ALG13: variants seen among roughly 807,000 people sequenced by gnomAD.
ALG13 encodes the protein UDP-N-acetylglucosamine transferase subunit ALG13.
ALG13 carries 11 observed loss-of-function variants against 87.8 expected under a neutral mutation model. The observed-to-expected ratio is 0.13, with a 90% CI of 0.08 to 0.21. The LOEUF (loss-of-function observed/expected upper bound fraction) is 0.21. Ranked by LOEUF, ALG13 falls within the 10% of genes least tolerant of loss-of-function variation. The pLI is 1.00. For synonymous variants in ALG13, 320 were observed against 306.3 expected (o/e 1.04, Z -0.47); for missense variants, 756 against 866.1 (o/e 0.87, Z 1.60).
chrX:111,683,550 G>T (rs769093087), intron 2 of ALG13, among the ~76,000 whole-genome samples: 1 of 108,046 alleles, frequency 9.3e-6, no homozygotes, highest in South Asian at 4.2e-4. Context: ...TGTTGCCCAG[G>T]CTGGTCTCAA....
rs778191847 is a variant in ALG13, at chrX:111,752,700, G to A, written c.2933-90G>A. ...CAAAGTGCTGGGATTACAGGCATGAGCCACCGTGCCCAGCCAGAAAAGCTT... is the reference window on the plus strand; with the variant it reads ...CAAAGTGCTGGGATTACAGGCATGAACCACCGTGCCCAGCCAGAAAAGCTT... On this transcript the variant is annotated intron_variant, in intron 24 of 26. Coordinates refer to ENST00000394780, the MANE Select transcript of ALG13 (RefSeq NM_001099922.3). 8.0e-6 allele frequency: 5 copies of A among 625,515 alleles called. No individual in the cohort carries two copies. The South Asian group carries it at 1.1e-4, about 13-fold the overall frequency. The allele number at this position is 625,515 out of a possible 1,213,427, so 51.5% of individuals were successfully genotyped here.
chrX:111,760,025 C>A lies in ALG13; in HGVS notation c.*26C>A. On this transcript the variant is annotated 3_prime_UTR_variant, in exon 27 of 27. Coordinates refer to ENST00000394780, the MANE Select transcript of ALG13 (RefSeq NM_001099922.3). ...GATCCAGCAGTATGAAGTATTCTTGCACTGCCATTTTCTTGCTGTTTTTGT... is the reference window on the plus strand; with the variant it reads ...GATCCAGCAGTATGAAGTATTCTTGAACTGCCATTTTCTTGCTGTTTTTGT... 2 of 1,188,050 alleles carry A rather than the reference C, an allele frequency of 1.7e-6. No homozygotes were observed. The highest frequency in any genetic ancestry group is 1.1e-6 in the Non-Finnish European group (1 of 882,975).
chrX:111,689,614 AAGG>A (rs1295980232), intron 3 of ALG13: 7 of 749,871 alleles, frequency 9.3e-6, no homozygotes, highest in Non-Finnish European at 3.1e-6. Flanking sequence ...TTTTAAGTCA[AAGG>A]AGACTTTAAA....
Position 111,713,221 on chromosome X carries a change from A to G in ALG13, c.933-4A>G, listed in dbSNP as rs1389043493. On this transcript the variant is annotated splice_region_variant and splice_polypyrimidine_tract_variant and intron_variant, in intron 7 of 26. Transcript: ENST00000394780. ...TCCCACTTACCTTTGTTTTCCCCAT[A>G]TAGTCGGGATTTCATTCTTTATCGC... The G allele has an allele frequency of 5.1e-6, 6 of 1,175,031 alleles. No individual in the cohort carries two copies. The highest frequency in any genetic ancestry group is 3.5e-5 in the African/African-American group (2 of 56,672).
intron 13 of ALG13, 81 bp downstream of exon 13, chrX:111,722,938 C>T (rs1343189067): frequency 1.5e-6 from 1 of 682,653 alleles, no homozygotes; most frequent in African/African-American, 2.2e-5. Flanking sequence ...GACTTATTTA[C>T]AAAGTACTAG....
chrX:111,707,321 C>T (rs760287221), intron 3 of ALG13, among the ~76,000 whole-genome samples: 5 of 112,304 alleles, frequency 4.5e-5, no homozygotes, highest in African/African-American at 1.6e-4. Context: ...TTTAAAGAAA[C>T]ACACTTTTTT....
intron 3 of ALG13, chrX:111,688,100 T>C (rs1438314078): frequency 2.3e-6 from 2 of 860,198 alleles, no homozygotes; most frequent in Admixed American, 6.3e-5. Context: ...CAAAATAATA[T>C]AATTAATAAA....
At chrX:111,694,824 A>G (rs1210279965) in intron 3 of ALG13, among the ~76,000 whole-genome samples, 2 of 112,320 alleles carry the variant, frequency 1.8e-5, no homozygotes, top group African/African-American at 6.5e-5. Context: ...AGCCTAAATT[A>G]GTAGTTTTCT....
Position 111,744,768 on chromosome X carries a change from A to ACCACCACCTCCT in ALG13, c.2798_2799insACCACCTCCTCC (p.Pro942_Pro945dup), listed in dbSNP as rs1569522034. ...CACCACCACCACCACCACCACCACCACCTCCTCCTCCTCCTCCTCCTCCTC... is the reference window on the plus strand; with the variant it reads ...CACCACCACCACCACCACCACCACCACCACCACCTCCTCCTCCTCCTCCTCCTCCTCCTCCTC... On this transcript the variant is annotated inframe_insertion, in exon 24 of 27. Transcript: ENST00000394780. The ACCACCACCTCCT allele has an allele frequency of 4.7e-6, 2 of 427,805 alleles. 1 individual carries two copies. The highest frequency in any genetic ancestry group is 9.7e-5 in the African/African-American group (2 of 20,614). The allele number at this position is 427,805 out of a possible 1,213,427, so 35.3% of individuals were successfully genotyped here.
chrX:111,738,971 C>A (rs1431581598), intron 23 of ALG13, among the ~76,000 whole-genome samples: 1 of 109,545 alleles, frequency 9.1e-6, no homozygotes, highest in Non-Finnish European at 1.9e-5. Context: ...TCTGAAAAAA[C>A]CAAAGTAAAG....
intron 3 of ALG13, among the ~76,000 whole-genome samples, chrX:111,707,479 A>G (rs943565690): frequency 5.4e-5 from 6 of 112,035 alleles, no homozygotes; most frequent in African/African-American, 1.9e-4. Flanking sequence ...GATTACTTCA[A>G]CCCTATATCT....
chrX:111,740,034 C>T (rs1943607902), intron 23 of ALG13, among the ~76,000 whole-genome samples: 2 of 110,904 alleles, frequency 1.8e-5, no homozygotes, highest in African/African-American at 6.6e-5. Flanking sequence ...AGACATAAGA[C>T]GTGATGGTAA....
chrX:111,756,296 C>T (rs771936960), intron 25 of ALG13, among the ~76,000 whole-genome samples: 3 of 111,476 alleles, frequency 2.7e-5, no homozygotes, highest in Non-Finnish European at 5.7e-5. Context: ...AGCATTAGGA[C>T]AAATACCTAA....
At chrX:111,739,391 G>A (rs1943554979) in intron 23 of ALG13, among the ~76,000 whole-genome samples, 3 of 112,208 alleles carry the variant, frequency 2.7e-5, no homozygotes, top group Non-Finnish European at 5.6e-5. Context: ...GGTGGGGACA[G>A]AGTCAAACCA....
intron 3 of ALG13, among the ~76,000 whole-genome samples, chrX:111,695,792 A>C (rs892382507): frequency 9.0e-6 from 1 of 111,506 alleles, no homozygotes; most frequent in African/African-American, 3.3e-5. Context: ...CTGCCAGGCC[A>C]TGCTTTGTTT....
chrX:111,687,209 T>C (rs142396223), intron 3 of ALG13, among the ~76,000 whole-genome samples: 2,826 of 112,425 alleles, frequency 0.025, 80 homozygotes, highest in African/African-American at 0.087. Flanking sequence ...CCTCCCAAAG[T>C]GCTGGGATTA....
At chrX:111,698,627 C>G (rs184663106) in intron 3 of ALG13, among the ~76,000 whole-genome samples, 4 of 111,853 alleles carry the variant, frequency 3.6e-5, no homozygotes, top group Admixed American at 2.9e-4. Context: ...CTTTCTGTGC[C>G]TGGCTTATTT....
intron 3 of ALG13, among the ~76,000 whole-genome samples, chrX:111,703,868 T>C (rs1938317446): frequency 8.9e-6 from 1 of 112,113 alleles, no homozygotes; most frequent in South Asian, 3.7e-4. Context: ...ATTTCTCTTA[T>C]GTAGTTACCT....
rs1324671324 is a variant in ALG13, at chrX:111,720,182, T to C, written c.1326+12T>C. The C allele has an allele frequency of 8.9e-7, 1 of 1,127,508 alleles. No individual in the cohort carries two copies. Among genetic ancestry groups the C allele is most frequent in the Admixed American group, 2.6e-5 (1 of 37,962 alleles). The allele number at this position is 1,127,508 out of a possible 1,213,427, so 92.9% of individuals were successfully genotyped here. On this transcript the variant is annotated intron_variant, in intron 11 of 26. Transcript: ENST00000394780. ...CAGAAGAAACAAAGGTTTGATATTT[T>C]CTAAGGCAAAGAATTTTCATAGTCT... is the stretch of plus-strand genomic sequence containing the variant.
Sources: gnomAD v4.1 joint callset for allele counts (sites outside exome capture counted in the v4.1 genomes callset) on GRCh38, gnomAD v4.1.1 for gene constraint, MANE v1.5 for transcripts, NCBI Gene and HGNC (gene_info 2026-07-23, HGNC 2026-07-21) for gene names.